The following TACC2 variants were observed in gnomAD, a reference collection of about 807,000 sequenced individuals.
The protein encoded by TACC2 is transforming acidic coiled-coil containing protein 2.
A neutral mutation model predicts 227.3 loss-of-function variants in TACC2; 137 were observed. The ratio of observed to expected loss-of-function variants is 0.60; its 90% CI spans 0.52 to 0.69. The LOEUF is 0.69. TACC2 is among the 30% of genes least tolerant of loss of function. TACC2 has a pLI of 0.00. For missense variants in TACC2, 3,470 were observed against 3,694.4 expected, an observed-to-expected ratio of 0.94 and a Z score of 1.57; for synonymous variants, 1,523 against 1,487.5, an observed-to-expected ratio of 1.02 and a Z score of -0.55.
intron 8 of TACC2, among the ~76,000 whole-genome samples, chr10:122,199,763 G>A (rs769160762): frequency 6.6e-6 from 1 of 152,206 alleles, no homozygotes; most frequent in African/African-American, 2.4e-5. Context: ...ATTGCTTACA[G>A]TTCTGGAGGC....
chr10:122,154,087 TGCCTTCAGCCCTG>T (rs2092299674), intron 7 of TACC2, among the ~76,000 whole-genome samples: 1 of 152,232 alleles, frequency 6.6e-6, no homozygotes, highest in South Asian at 2.1e-4. Context: ...CTCCTTGAGT[TGCCTTCAGCCCTG>T]GCCTCAGCTG....
intron 7 of TACC2, among the ~76,000 whole-genome samples, chr10:122,145,128 T>C (rs188333044): frequency 6.6e-6 from 1 of 152,228 alleles, no homozygotes; most frequent in Non-Finnish European, 1.5e-5. Flanking sequence ...CAGTTTCTTA[T>C]AAAGGTAAAC....
At chr10:122,213,144 TG>T (rs2095331685) in intron 9 of TACC2, among the ~76,000 whole-genome samples, 1 of 152,210 alleles carries the variant, frequency 6.6e-6, no homozygotes, top group Admixed American at 6.5e-5. Context: ...ACAAAGCTCT[TG>T]GGGCACCACG....
chr10:122,056,162 A>AG (rs1425489432), intron 3 of TACC2, among the ~76,000 whole-genome samples: 1 of 152,120 alleles, frequency 6.6e-6, no homozygotes, highest in Non-Finnish European at 1.5e-5. Context: ...AGGCCTGTGA[A>AG]GGGGCATTTC....
At chr10:122,230,693 A>T (rs1393996009) in intron 16 of TACC2, among the ~76,000 whole-genome samples, 1 of 152,252 alleles carries the variant, frequency 6.6e-6, no homozygotes, top group Non-Finnish European at 1.5e-5. Context: ...AGACCAATGT[A>T]TGGGTCAGTA....
chr10:122,018,012 T>TA (rs11395611), intron 1 of TACC2, among the ~76,000 whole-genome samples: 75,934 of 141,172 alleles, frequency 0.54, 20,714 homozygotes, highest in African/African-American at 0.64. Context: ...TTATTTCTTC[T>TA]AAAAAAAAAA....
chr10:122,071,799 A>G (rs1027771329), intron 3 of TACC2, among the ~76,000 whole-genome samples: 1 of 150,288 alleles, frequency 6.7e-6, no homozygotes, highest in East Asian at 2.0e-4. Flanking sequence ...AGGCACGAGA[A>G]ATGCTTGAAC....
intron 5 of TACC2, among the ~76,000 whole-genome samples, chr10:122,102,607 C>G (rs1047917626): frequency 6.6e-6 from 1 of 152,164 alleles, no homozygotes; most frequent in Non-Finnish European, 1.5e-5. Flanking sequence ...CCTATTTAGT[C>G]GAAGGCTTAT....
intron 7 of TACC2, among the ~76,000 whole-genome samples, chr10:122,173,993 C>T (rs773948613): frequency 1.3e-5 from 2 of 152,174 alleles, no homozygotes; most frequent in East Asian, 1.9e-4. Flanking sequence ...GCCTAGGCTG[C>T]GGCCAGCGGA....
At position 122,064,018 on chromosome 10, in the gene TACC2, C is replaced by T. The variant is rs558353168; in HGVS notation, c.146+13468C>T. Among the ~76,000 whole-genome samples the T allele has an allele frequency of 2.0e-3, 304 of 151,860 alleles. 1 individual carries two copies. Among genetic ancestry groups the T allele is most frequent in the Non-Finnish European group, 2.0e-3 (134 of 67,914 alleles). On this transcript the variant is annotated intron_variant, in intron 3 of 22. Coordinates refer to ENST00000369005, the MANE Select transcript of TACC2 (RefSeq NM_206862.4). The stretch of plus-strand genomic sequence containing the variant: ...CTCTACTAAAAATACAAAAATTAGC[C>T]GGGCGCGGTGGTGTATGCCTGTGGT...
chr10:122,239,511 G>C (rs1205637862), intron 18 of TACC2, among the ~76,000 whole-genome samples: 1 of 152,180 alleles, frequency 6.6e-6, no homozygotes, highest in African/African-American at 2.4e-5. Context: ...ACATTCAAAC[G>C]AAAGCCCTGC....
intron 6 of TACC2, among the ~76,000 whole-genome samples, chr10:122,135,857 C>A (rs1213373291): frequency 2.6e-5 from 4 of 152,194 alleles, no homozygotes; most frequent in East Asian, 1.9e-4. Flanking sequence ...AGTGTCCTTA[C>A]GTGGCATAGT....
At chr10:122,165,358 A>T (rs1198536959) in intron 7 of TACC2, among the ~76,000 whole-genome samples, 1 of 152,206 alleles carries the variant, frequency 6.6e-6, no homozygotes, top group Admixed American at 6.5e-5. Flanking sequence ...GCTCAGACCT[A>T]TCTAGTGAAG....
At chr10:122,039,814 CAAAT>C (rs2074023994) in intron 2 of TACC2, among the ~76,000 whole-genome samples, 1 of 151,980 alleles carries the variant, frequency 6.6e-6, no homozygotes, top group Admixed American at 6.6e-5. Context: ...TTTGTCAGCA[CAAAT>C]GCTATTGAAA....
intron 1 of TACC2, among the ~76,000 whole-genome samples, chr10:121,990,776 T>TTTG (rs1267159051): frequency 1.6e-4 from 25 of 152,196 alleles, no homozygotes; most frequent in Non-Finnish European, 4.4e-5. Context: ...TACCTGTTTT[T>TTTG]TTGTTGTTGT....
At chr10:122,062,477 ATTT>A (rs67512008) in intron 3 of TACC2, among the ~76,000 whole-genome samples, 2 of 142,882 alleles carry the variant, frequency 1.4e-5, no homozygotes, top group Non-Finnish European at 1.5e-5. Context: ...CTAATTTTGA[ATTT>A]TTTTTTTTTT....
At chr10:122,197,817 C>A (rs1269083452) in intron 8 of TACC2, among the ~76,000 whole-genome samples, 1 of 152,226 alleles carries the variant, frequency 6.6e-6, no homozygotes, top group Non-Finnish European at 1.5e-5. Context: ...ATTTGATTTG[C>A]TGCCCTGGTT....
intron 5 of TACC2, among the ~76,000 whole-genome samples, chr10:122,121,632 A>G (rs942650227): frequency 3.3e-5 from 5 of 152,264 alleles, no homozygotes; most frequent in Non-Finnish European, 7.3e-5. Context: ...AGCGCTGCTT[A>G]TAATTGAAAC....
At chr10:122,251,243 G>A (rs1323927610) in intron 22 of TACC2, among the ~76,000 whole-genome samples, 1 of 152,126 alleles carries the variant, frequency 6.6e-6, no homozygotes, top group African/African-American at 2.4e-5. Flanking sequence ...TTCTTAGGAT[G>A]AAAAAGACAG....
Sources: gnomAD v4.1 joint callset for allele counts (sites outside exome capture counted in the v4.1 genomes callset) on GRCh38, gnomAD v4.1.1 for gene constraint, MANE v1.5 for transcripts, NCBI Gene and HGNC (gene_info 2026-07-23, HGNC 2026-07-21) for gene names.